The following RBFOX1 variants were observed in gnomAD, a reference collection of about 807,000 sequenced individuals.
RBFOX1 encodes the protein RNA binding protein fox-1 homolog 1.
RBFOX1 carries 8 observed loss-of-function variants against 57.7 expected under a neutral mutation model. The ratio of observed to expected loss-of-function variants is 0.14; its 90% CI spans 0.08 to 0.25. RBFOX1 has a LOEUF of 0.25. Ranked by LOEUF, RBFOX1 falls within the 10% of genes least tolerant of loss-of-function variation. RBFOX1 has a pLI of 1.00. For synonymous variants in RBFOX1, 326 were observed against 222.4 expected (o/e 1.47, Z -4.15); for missense variants, 611 against 548.5 (o/e 1.11, Z -1.14).
At chr16:5,620,502 C>T (rs2048170837) in intron 3 of RBFOX1, among the ~76,000 whole-genome samples, 1 of 152,168 alleles carries the variant, frequency 6.6e-6, no homozygotes, top group Non-Finnish European at 1.5e-5. Context: ...GGCCAGAAAC[C>T]TGAGGTCAGT....
intron 1 of RBFOX1, among the ~76,000 whole-genome samples, chr16:6,065,395 C>T (rs914635910): frequency 2.6e-5 from 4 of 152,006 alleles, no homozygotes; most frequent in African/African-American, 4.8e-5. Context: ...AGCTGGTGGT[C>T]ACAGTTTCAG....
intron 2 of RBFOX1, among the ~76,000 whole-genome samples, chr16:6,569,572 TA>T (rs2097315650): frequency 6.6e-6 from 1 of 152,226 alleles, no homozygotes; most frequent in Non-Finnish European, 1.5e-5. Flanking sequence ...CTATGAGCTG[TA>T]ATTGGGTTAA....
chr16:5,887,858 C>G (rs961764829), intron 4 of RBFOX1, among the ~76,000 whole-genome samples: 1 of 152,078 alleles, frequency 6.6e-6, no homozygotes, highest in African/African-American at 2.4e-5. Flanking sequence ...TTTTTGCATA[C>G]CTGCTGAGTT....
chr16:5,328,002 C>G (rs1042968416), intron 1 of RBFOX1, among the ~76,000 whole-genome samples: 3 of 152,148 alleles, frequency 2.0e-5, no homozygotes, highest in African/African-American at 7.2e-5. Flanking sequence ...TTTGGAAGAG[C>G]TGAAGACCCC....
At position 7,028,605 on chromosome 16, in the gene RBFOX1, CACACAAAAAAAA is replaced by C. The variant is rs1369985028; in HGVS notation, c.-15-23450_-15-23439del. Among the ~76,000 whole-genome samples, 119 of 37,384 alleles carry C rather than the reference CACACAAAAAAAA, an allele frequency of 3.2e-3. 1 individual carries two copies. The highest frequency in any genetic ancestry group is 0.012 in the African/African-American group (100 of 8,290). The allele number at this position is 37,384 out of a possible 152,430, so 24.5% of individuals were successfully genotyped here. On this transcript the variant is annotated intron_variant, in intron 3 of 15. Coordinates refer to ENST00000550418, the MANE Select transcript of RBFOX1 (RefSeq NM_018723.4). ...TCCCTCACACACACACACACACACA[CACACAAAAAAAA>C]AAAAAAAAAAAAAAAAAATTGAACC...
intron 1 of RBFOX1, among the ~76,000 whole-genome samples, chr16:6,115,553 C>G (rs1276364117): frequency 6.6e-6 from 1 of 151,886 alleles, no homozygotes; most frequent in Non-Finnish European, 1.5e-5. Context: ...GTTTTTTTTC[C>G]CCTCTGTCCT....
At chr16:6,617,420 C>T (rs1300599894) in intron 2 of RBFOX1, among the ~76,000 whole-genome samples, 4 of 151,892 alleles carry the variant, frequency 2.6e-5, no homozygotes, top group Admixed American at 2.6e-4. Context: ...TGCAGAGGGA[C>T]ATGAGGAGGG....
chr16:6,814,493 C>A (rs922943000), intron 3 of RBFOX1, among the ~76,000 whole-genome samples: 1 of 152,030 alleles, frequency 6.6e-6, no homozygotes, highest in East Asian at 1.9e-4. Context: ...GGCTTAGAGT[C>A]TAGTGGGAGA....
chr16:7,305,390 T>C (rs1568124999), intron 4 of RBFOX1, among the ~76,000 whole-genome samples: 1 of 152,126 alleles, frequency 6.6e-6, no homozygotes, highest in African/African-American at 2.4e-5. Flanking sequence ...CTCTCTGTCA[T>C]TGGGCAGGGG....
chr16:6,510,253 T>A (rs536459757), intron 2 of RBFOX1, among the ~76,000 whole-genome samples: 2 of 152,168 alleles, frequency 1.3e-5, no homozygotes, highest in Non-Finnish European at 2.9e-5. Flanking sequence ...ACCGGAACCA[T>A]TATTGGATTC....
At chr16:6,595,589 C>T (rs1230217191) in intron 2 of RBFOX1, among the ~76,000 whole-genome samples, 1 of 152,100 alleles carries the variant, frequency 6.6e-6, no homozygotes, top group Non-Finnish European at 1.5e-5. Flanking sequence ...AGTGGAATTT[C>T]TGGGTCATAT....
chr16:6,457,438 T>TTCCC (rs757540836), intron 2 of RBFOX1, among the ~76,000 whole-genome samples: 5 of 54,228 alleles, frequency 9.2e-5, no homozygotes, highest in Non-Finnish European at 1.2e-4. Context: ...TTTCCGGAAG[T>TTCCC]CCCCCCCCCC....
At chr16:5,275,391 T>C (rs371664219) in intron 1 of RBFOX1, among the ~76,000 whole-genome samples, 1 of 152,214 alleles carries the variant, frequency 6.6e-6, no homozygotes, top group African/African-American at 2.4e-5. Flanking sequence ...GTAGCAGTGC[T>C]ATACACCAAC....
intron 1 of RBFOX1, among the ~76,000 whole-genome samples, chr16:6,195,395 A>G (rs1026783425): frequency 6.6e-6 from 1 of 152,136 alleles, no homozygotes; most frequent in African/African-American, 2.4e-5. Flanking sequence ...ACTGAGAAAA[A>G]TTTATGGCCT....
chr16:6,094,685 C>G (rs369243173), intron 1 of RBFOX1, among the ~76,000 whole-genome samples: 3 of 152,210 alleles, frequency 2.0e-5, no homozygotes, highest in African/African-American at 7.2e-5. Flanking sequence ...GCATCTTATC[C>G]TATGACTCAG....
chr16:7,066,033 C>T (rs1459473118), intron 4 of RBFOX1, among the ~76,000 whole-genome samples: 1 of 152,144 alleles, frequency 6.6e-6, no homozygotes, highest in African/African-American at 2.4e-5. Flanking sequence ...TGGTTTAATT[C>T]ACTCCAAGGG....
intron 2 of RBFOX1, among the ~76,000 whole-genome samples, chr16:5,536,228 C>CTTTTTT (rs57061495): frequency 9.7e-6 from 1 of 103,538 alleles, no homozygotes; most frequent in African/African-American, 4.0e-5. Flanking sequence ...AATCTCCTGT[C>CTTTTTT]TTTTTTTTTT....
intron 2 of RBFOX1, among the ~76,000 whole-genome samples, chr16:5,593,350 G>T (rs990046391): frequency 7.9e-5 from 12 of 152,042 alleles, no homozygotes; most frequent in African/African-American, 2.9e-4. Flanking sequence ...AGAGGGTGGG[G>T]GGTTAGGGGA....
intron 3 of RBFOX1, among the ~76,000 whole-genome samples, chr16:6,935,510 G>A (rs1047246497): frequency 1.3e-5 from 2 of 152,056 alleles, no homozygotes; most frequent in Non-Finnish European, 2.9e-5. Flanking sequence ...AGGGTAATTT[G>A]TCTCATGGCA....
Sources: gnomAD v4.1 joint callset for allele counts (sites outside exome capture counted in the v4.1 genomes callset) on GRCh38, gnomAD v4.1.1 for gene constraint, MANE v1.5 for transcripts, NCBI Gene and HGNC (gene_info 2026-07-23, HGNC 2026-07-21) for gene names.